Variants in GLT8D2 observed in about 807,000 individuals in gnomAD.
GLT8D2 encodes glycosyltransferase 8 domain-containing protein 2.
In GLT8D2, 45 loss-of-function variants were observed where a neutral mutation model predicts 44.5. The ratio of observed to expected loss-of-function variants is 1.01; its 90% CI spans 0.80 to 1.30. The LOEUF (loss-of-function observed/expected upper bound fraction) is 1.30, where lower values mean the gene tolerates loss of function less well. GLT8D2 is among the 50% of genes most tolerant of loss of function. The probability of loss-of-function intolerance (pLI) is 0.00; values close to 1 mark genes in which losing one functional copy is unlikely to be tolerated. For synonymous variants in GLT8D2, 156 were observed against 157.2 expected, an observed-to-expected ratio of 0.99 and a Z score of 0.06; for missense variants, 400 against 430.4, an observed-to-expected ratio of 0.93 and a Z score of 0.62.
chr12:103,998,617 C>T (rs977826490), intron 6 of GLT8D2, among the ~76,000 whole-genome samples: 2 of 152,122 alleles, frequency 1.3e-5, no homozygotes, highest in Non-Finnish European at 2.9e-5. Context: ...ACTATGTTGG[C>T]CAGGCTGGTC....
chr12:104,003,486 A>G (rs1350331028), intron 4 of GLT8D2, among the ~76,000 whole-genome samples, 180 bp from the exon 5 acceptor site: 1 of 152,010 alleles, frequency 6.6e-6, no homozygotes, highest in Non-Finnish European at 1.5e-5. Flanking sequence ...TAGCTGGTAC[A>G]TAGCCAACCA....
intron 1 of GLT8D2, among the ~76,000 whole-genome samples, chr12:104,047,854 G>C (rs1335901183): frequency 6.6e-6 from 1 of 152,196 alleles, no homozygotes; most frequent in Non-Finnish European, 1.5e-5. Flanking sequence ...TTCACAAAAA[G>C]CCTTTAGAGT....
At chr12:103,995,825 C>G (rs1438125823) in intron 8 of GLT8D2, among the ~76,000 whole-genome samples, 1 of 152,188 alleles carries the variant, frequency 6.6e-6, no homozygotes, top group Non-Finnish European at 1.5e-5. Flanking sequence ...CATGGAAATA[C>G]TTGAGTACTT....
chr12:104,041,809 G>A (rs2722175), intron 1 of GLT8D2, among the ~76,000 whole-genome samples: 92,252 of 152,020 alleles, frequency 0.61, 28,665 homozygotes, highest in Non-Finnish European at 0.67. Flanking sequence ...GCAATACAGT[G>A]TGCTTAGATG....
At chr12:103,993,318 G>A (rs776209082) in intron 10 of GLT8D2, 74 bp downstream of exon 10, 198 of 1,170,844 alleles carry the variant, frequency 1.7e-4, no homozygotes, top group Non-Finnish European at 2.1e-4. Flanking sequence ...GCAGCAGAGC[G>A]AGACTCTGTC....
chr12:104,041,854 C>A (rs1880596587), intron 1 of GLT8D2, among the ~76,000 whole-genome samples: 1 of 152,172 alleles, frequency 6.6e-6, no homozygotes, highest in African/African-American at 2.4e-5. Flanking sequence ...ATTGTTTTAG[C>A]ATCAAGGAGG....
At chr12:103,991,587 T>G (rs1411485815) in intron 10 of GLT8D2, among the ~76,000 whole-genome samples, 2 of 152,314 alleles carry the variant, frequency 1.3e-5, no homozygotes, top group Non-Finnish European at 2.9e-5. Flanking sequence ...TTCCTACACA[T>G]ATTTAAAAAT....
chr12:104,021,921 GAAGAAGAAGAAGAAGAA>G lies in GLT8D2; in HGVS notation c.-163-447_-163-431del, dbSNP rs1877768107. Among the ~76,000 whole-genome samples the G allele has an allele frequency of 5.9e-4, 17 of 28,894 alleles. 2 individuals are homozygous for G. The highest frequency in any genetic ancestry group is 2.4e-3 in the African/African-American group (16 of 6,706). The allele number at this position is 28,894 out of a possible 152,430, so 19.0% of individuals were successfully genotyped here. ...AGAAGAAGAAGAAGAAGAAGAAGAA[GAAGAAGAAGAAGAAGAA>G]GAAGAAGAAGAAGAAGAGGAAGAAG... On this transcript the variant is annotated intron_variant, in intron 1 of 10. Coordinates refer to ENST00000360814, the MANE Select transcript of GLT8D2 (RefSeq NM_001384711.1).
intron 4 of GLT8D2, among the ~76,000 whole-genome samples, chr12:104,005,731 C>A (rs1874903595): frequency 6.6e-6 from 1 of 152,144 alleles, no homozygotes; most frequent in Non-Finnish European, 1.5e-5. Context: ...GGTCAGGAAA[C>A]AACAGGTCCT....
chr12:104,023,146 G>T (rs1357164760), intron 1 of GLT8D2, among the ~76,000 whole-genome samples: 4 of 152,122 alleles, frequency 2.6e-5, no homozygotes, highest in African/African-American at 7.2e-5. Flanking sequence ...TATGCATCAG[G>T]GGGAGGGAGA....
upstream of GLT8D2, among the ~76,000 whole-genome samples, chr12:104,051,594 A>G (rs927623960): frequency 7.2e-5 from 11 of 152,124 alleles, no homozygotes; most frequent in African/African-American, 2.4e-4. Flanking sequence ...CTTATGTTGG[A>G]AACATTCAAT....
intron 1 of GLT8D2, among the ~76,000 whole-genome samples, chr12:104,048,882 T>C (rs1881437403): frequency 6.6e-6 from 1 of 152,228 alleles, no homozygotes; most frequent in Admixed American, 6.5e-5. Context: ...ATTTTACAGA[T>C]GAGGAACTAG....
At chr12:104,059,928 C>T (rs78538688) in intron 1 of GLT8D2, among the ~76,000 whole-genome samples, 1 of 152,290 alleles carries the variant, frequency 6.6e-6, no homozygotes, top group East Asian at 1.9e-4. Flanking sequence ...CCTTACATGG[C>T]CAAGTCTCTG....
intron 2 of GLT8D2, among the ~76,000 whole-genome samples, chr12:104,020,724 G>T (rs988022317): frequency 6.6e-6 from 1 of 152,154 alleles, no homozygotes; most frequent in African/African-American, 2.4e-5. Flanking sequence ...GGAAAGAAGA[G>T]CAAGAGCCAG....
At chr12:104,013,242 G>C (rs923685236) in intron 4 of GLT8D2, among the ~76,000 whole-genome samples, 2 of 152,132 alleles carry the variant, frequency 1.3e-5, no homozygotes, top group Non-Finnish European at 2.9e-5. Context: ...CCACTGATCT[G>C]CTCTGTGTCT....
intron 4 of GLT8D2, among the ~76,000 whole-genome samples, chr12:104,003,513 A>AG (rs144799421): frequency 0.04 from 6,155 of 152,284 alleles, 218 homozygotes; most frequent in South Asian, 0.1. Context: ...CTATTTTACC[A>AG]ACTCCCGTGC....
intron 8 of GLT8D2, among the ~76,000 whole-genome samples, chr12:103,995,225 C>T (rs1873261388): frequency 6.6e-6 from 1 of 152,190 alleles, no homozygotes; most frequent in Non-Finnish European, 1.5e-5. Flanking sequence ...CACTCATCTC[C>T]TCTAAGCTCC....
intron 1 of GLT8D2, among the ~76,000 whole-genome samples, chr12:104,038,197 G>A (rs1880122742): frequency 6.6e-6 from 1 of 152,138 alleles, no homozygotes; most frequent in African/African-American, 2.4e-5. Flanking sequence ...CATACTGAAT[G>A]GGCAAAAACT....
chr12:104,062,716 C>G (rs1882771047), intron 1 of GLT8D2, among the ~76,000 whole-genome samples: 3 of 151,886 alleles, frequency 2.0e-5, no homozygotes, highest in Non-Finnish European at 2.9e-5. Flanking sequence ...ATCAGTGGAT[C>G]CTTCTGTCTC....
Sources: allele counts gnomAD v4.1 joint callset (sites outside exome capture counted in the v4.1 genomes callset), GRCh38; gene constraint gnomAD v4.1.1; transcripts MANE v1.5; gene names NCBI Gene and HGNC (gene_info 2026-07-23, HGNC 2026-07-21).